The following AIDA variants were observed in gnomAD, a reference collection of about 807,000 sequenced individuals.
AIDA encodes the protein axin interactor, dorsalization associated, also known as axin interactor, dorsalization-associated protein.
Under a neutral mutation model 42.7 loss-of-function variants are expected in AIDA, and 18 were observed. The observed-to-expected ratio is 0.42, with a 90% confidence interval of 0.29 to 0.63. The LOEUF (loss-of-function observed/expected upper bound fraction) is 0.63, where lower values mean the gene tolerates loss of function less well. Ranked by LOEUF, AIDA falls within the 20% of genes least tolerant of loss-of-function variation. The pLI is 0.19. For missense variants in AIDA, 250 were observed against 354.1 expected (o/e 0.71, Z 2.36); for synonymous variants, 104 against 122.9 (o/e 0.85, Z 1.02).
intron 1 of AIDA, among the ~76,000 whole-genome samples, chr1:222,710,880 T>C (rs1329491950): frequency 1.3e-5 from 2 of 152,196 alleles, no homozygotes; most frequent in African/African-American, 2.4e-5. Context: ...GCAAAACAAA[T>C]GCTAGTAGTT....
intron 4 of AIDA, 72 bp from the exon 5 acceptor site, chr1:222,687,730 AT>A (rs991112164): frequency 6.9e-6 from 8 of 1,151,504 alleles, no homozygotes; most frequent in Non-Finnish European, 8.5e-6. Flanking sequence ...TAAATGATTA[AT>A]TTTTAATCAA....
At chr1:222,679,585 CAGGTGCTATAGCACCCTATAACA>C (rs1664617414) in intron 6 of AIDA, among the ~76,000 whole-genome samples, 2 of 152,244 alleles carry the variant, frequency 1.3e-5, no homozygotes, top group Non-Finnish European at 2.9e-5. Flanking sequence ...CCCTATAACA[CAGGTGCTATAGCACCCTATAACA>C]AGGTGTCCCA....
Position 222,686,875 on chromosome 1 carries a change from C to T in AIDA, c.460+55G>A, listed in dbSNP as rs913534579. On this transcript the variant is annotated intron_variant, in intron 6 of 9. Coordinates refer to ENST00000340020, the MANE Select transcript of AIDA (RefSeq NM_022831.4). ...AGCAAATACCAAAGAAAGTTTCAAACACCCTGACTCTGGTTGCAGTTAAAT... is the reference window on the plus strand; with the variant it reads ...AGCAAATACCAAAGAAAGTTTCAAATACCCTGACTCTGGTTGCAGTTAAAT... 7.0e-6 allele frequency: 11 copies of T among 1,561,154 alleles called. No individual in the cohort carries two copies. In the South Asian group the frequency reaches 1.2e-4, roughly 17 times the overall value.
At chr1:222,711,776 CATCCTTGGAA>C (rs1330169569) in intron 1 of AIDA, 1 of 185,320 alleles carries the variant, frequency 5.4e-6, no homozygotes, top group Admixed American at 5.8e-5. Context: ...CAAGGCCACT[CATCCTTGGAA>C]CGTGGGCGGA....
intron 1 of AIDA, among the ~76,000 whole-genome samples, chr1:222,708,403 C>T (rs1571944825): frequency 6.6e-6 from 1 of 151,130 alleles, no homozygotes; most frequent in Non-Finnish European, 1.5e-5. Flanking sequence ...AGTCTCACTC[C>T]GTCACCCAGG....
chr1:222,675,807 GT>G (rs1390405142), intron 7 of AIDA, among the ~76,000 whole-genome samples: 2 of 152,178 alleles, frequency 1.3e-5, no homozygotes, highest in African/African-American at 2.4e-5. Context: ...TGTTAAAGAT[GT>G]GTAGCCAGCA....
intron 7 of AIDA, 131 bp downstream of exon 7, chr1:222,675,962 CATG>C (rs1221885597): frequency 1.0e-6 from 1 of 976,380 alleles, no homozygotes; most frequent in African/African-American, 1.7e-5. Context: ...GACTTTGCCT[CATG>C]ATAGAATGAA....
intron 8 of AIDA, 86 bp from the exon 9 acceptor site, chr1:222,670,336 G>A (rs1664424095): frequency 9.6e-7 from 1 of 1,041,766 alleles, no homozygotes; most frequent in Admixed American, 2.2e-5. Flanking sequence ...AGAAGCATAT[G>A]AACAGCTACA....
chr1:222,711,931 C>T (rs576644771), intron 1 of AIDA: 17 of 406,664 alleles, frequency 4.2e-5, no homozygotes, highest in Non-Finnish European at 7.6e-5. Flanking sequence ...AGATAGCCTG[C>T]TGGGGCCTGC....
chr1:222,685,906 A>T (rs182656470), intron 6 of AIDA, among the ~76,000 whole-genome samples: 5 of 152,290 alleles, frequency 3.3e-5, no homozygotes, highest in African/African-American at 1.2e-4. Context: ...ATGCCTGTAA[A>T]CCCAGCACTA....
rs181889304 is a variant in AIDA, at chr1:222,708,424, G to A, written c.110+3784C>T. Among the ~76,000 whole-genome samples, 500 of 151,694 alleles carry A rather than the reference G, an allele frequency of 3.3e-3. 2 individuals carry two copies. The highest frequency in any genetic ancestry group is 8.8e-3 in the South Asian group (42 of 4,758). On this transcript the variant is annotated intron_variant, in intron 1 of 9. Transcript: ENST00000340020. ...ACTCCGTCACCCAGGCTGGAGTGCA[G>A]TGGCACGATCTCCCCTCACTGCAAC...
rs934157313 is a variant in AIDA at position 222,673,372 on chromosome 1, G to A, written c.647C>T (p.Thr216Ile). The A allele has an allele frequency of 1.9e-6, 3 of 1,610,712 alleles. No homozygotes were observed. Among genetic ancestry groups the A allele is most frequent in the South Asian group, 2.2e-5 (2 of 90,332 alleles). ...AATGTCCACATTAAAATGAACATAT[G>A]TATCTTCTTTTCTTGAAGCCACAGG... ...DTPVASRKED[T>I]YVHFNVDIEL... Residue 216 changes from threonine (T) to isoleucine (I), a missense_variant, in exon 8 of 10, where the codon ACA becomes ATA. Around this residue, in one of 4 missense-constraint regions of AIDA, gnomAD observed 199 missense variants for 232.6 expected, o/e 0.86. Coordinates refer to ENST00000340020, the MANE Select transcript of AIDA (RefSeq NM_022831.4).
At chr1:222,674,002 T>G (rs1483976327) in intron 7 of AIDA, among the ~76,000 whole-genome samples, 1 of 142,384 alleles carries the variant, frequency 7.0e-6, no homozygotes, top group Admixed American at 7.0e-5. Context: ...CAGGAGAATC[T>G]CTTGAATCCG....
chr1:222,684,314 G>GA (rs1442053028), intron 6 of AIDA, among the ~76,000 whole-genome samples: 2 of 152,060 alleles, frequency 1.3e-5, no homozygotes, highest in Admixed American at 1.3e-4. Context: ...GTTTCACCAT[G>GA]TTGGCCAGGC....
At chr1:222,703,118 C>T (rs377665757) in intron 2 of AIDA, 30 bp downstream of exon 2, 2 of 1,533,590 alleles carry the variant, frequency 1.3e-6, no homozygotes, top group Admixed American at 4.2e-5. Flanking sequence ...TGTTTGGAAT[C>T]TGATATATCT....
intron 1 of AIDA, among the ~76,000 whole-genome samples, chr1:222,706,730 C>G (rs755690305): frequency 1.1e-4 from 17 of 151,550 alleles, no homozygotes; most frequent in Non-Finnish European, 1.8e-4. Flanking sequence ...ATTAGCCAGG[C>G]GTGGTGATGC....
chr1:222,686,334 C>G lies in AIDA; in HGVS notation c.460+596G>C, dbSNP rs1242084571. On this transcript the variant is annotated intron_variant, in intron 6 of 9. Transcript: ENST00000340020. ...CCCACCATTCCCTGATAAGAATGGT[C>G]ACTGTGCCTAAACTGTGTGAACAAT... 2.0e-5 allele frequency among the ~76,000 whole-genome samples: 3 copies of G among 152,306 alleles called. No individual in the cohort carries two copies. In the South Asian group the frequency reaches 6.2e-4, roughly 32 times the overall value.
At chr1:222,689,542 T>C (rs866133445) in intron 4 of AIDA, among the ~76,000 whole-genome samples, 3,703 of 83,334 alleles carry the variant, frequency 0.044, 282 homozygotes, top group African/African-American at 0.15. Flanking sequence ...CACACACACA[T>C]ATATATACAT....
chr1:222,689,481 G>GTGTATATA (rs1253190601), intron 4 of AIDA, among the ~76,000 whole-genome samples: 24 of 35,328 alleles, frequency 6.8e-4, no homozygotes, highest in South Asian at 3.4e-3. Flanking sequence ...GTGTGTGTGT[G>GTGTATATA]TATATATATA....
Sources: gnomAD v4.1 joint callset for allele counts (sites outside exome capture counted in the v4.1 genomes callset) on GRCh38, gnomAD v4.1.1 for gene constraint, gnomAD v4.1.1 regional missense constraint, MANE v1.5 for transcripts, NCBI Gene and HGNC (gene_info 2026-07-23, HGNC 2026-07-21) for gene names.